IGSF21: variants seen among roughly 807,000 people sequenced by gnomAD.
IGSF21 encodes immunoglobulin superfamily member 21.
IGSF21 carries 28 observed loss-of-function variants against 46.8 expected under a neutral mutation model. The observed-to-expected ratio is 0.60, with a 90% CI of 0.44 to 0.82. The LOEUF is 0.82. Ranked by LOEUF, IGSF21 falls within the 40% of genes least tolerant of loss-of-function variation. The pLI is 0.00. For synonymous variants in IGSF21, 284 were observed against 273.6 expected (o/e 1.04, Z -0.38); for missense variants, 624 against 665.5 (o/e 0.94, Z 0.69).
intron 2 of IGSF21, among the ~76,000 whole-genome samples, chr1:18,282,025 G>T (rs1353630989): frequency 9.9e-5 from 15 of 152,268 alleles, no homozygotes; most frequent in Middle Eastern, 3.4e-3. Flanking sequence ...TTGGGCCTTG[G>T]CTTTGCCTTG....
chr1:18,245,099 T>TA (rs1395400680), intron 2 of IGSF21, among the ~76,000 whole-genome samples: 1 of 152,120 alleles, frequency 6.6e-6, no homozygotes. Flanking sequence ...AGAATGCTTG[T>TA]AAAAAAGGGT....
At chr1:18,373,992 G>A (rs1274963725) in intron 6 of IGSF21, among the ~76,000 whole-genome samples, 1 of 152,134 alleles carries the variant, frequency 6.6e-6, no homozygotes, top group African/African-American at 2.4e-5. Flanking sequence ...TAGAAAGCAG[G>A]GCAGTGAGGA....
intron 2 of IGSF21, among the ~76,000 whole-genome samples, chr1:18,267,384 G>T (rs907150714): frequency 1.3e-5 from 2 of 152,132 alleles, no homozygotes; most frequent in African/African-American, 4.8e-5. Flanking sequence ...ACAGGATGTG[G>T]GGAGCTCATT....
intron 2 of IGSF21, among the ~76,000 whole-genome samples, chr1:18,284,575 G>A (rs2085194375): frequency 6.6e-6 from 1 of 152,218 alleles, no homozygotes; most frequent in African/African-American, 2.4e-5. Context: ...TGGGGTGTGA[G>A]TTTGTTTAAT....
chr1:18,358,627 T>A (rs1256247941), intron 4 of IGSF21, among the ~76,000 whole-genome samples: 1 of 152,238 alleles, frequency 6.6e-6, no homozygotes, highest in Non-Finnish European at 1.5e-5. Context: ...GAGGCTCAAA[T>A]AAGAATGTTA....
intron 3 of IGSF21, among the ~76,000 whole-genome samples, chr1:18,331,815 A>G (rs895164527): frequency 2.6e-5 from 4 of 152,168 alleles, no homozygotes; most frequent in South Asian, 2.1e-4. Context: ...TTCAGGATCT[A>G]TTAGGAGTAG....
At chr1:18,138,593 C>T (rs542071160) in intron 1 of IGSF21, among the ~76,000 whole-genome samples, 25 of 152,218 alleles carry the variant, frequency 1.6e-4, no homozygotes, top group East Asian at 9.7e-4. Flanking sequence ...GTGAGGGAAC[C>T]GCTGACAGGC....
chr1:18,302,306 C>T (rs1260843680), intron 3 of IGSF21, among the ~76,000 whole-genome samples: 1 of 152,150 alleles, frequency 6.6e-6, no homozygotes, highest in African/African-American at 2.4e-5. Context: ...CTGCTGGCTC[C>T]CACCTGTCCA....
At chr1:18,252,910 G>T (rs2084856213) in intron 2 of IGSF21, among the ~76,000 whole-genome samples, 1 of 152,136 alleles carries the variant, frequency 6.6e-6, no homozygotes, top group South Asian at 2.1e-4. Context: ...TGTTATGAGG[G>T]CTACATGAGA....
At chr1:18,314,851 G>A (rs2085524855) in intron 3 of IGSF21, among the ~76,000 whole-genome samples, 1 of 152,176 alleles carries the variant, frequency 6.6e-6, no homozygotes, top group African/African-American at 2.4e-5. Context: ...AGCTGGATGG[G>A]CGGATGACAT....
intron 1 of IGSF21, among the ~76,000 whole-genome samples, chr1:18,200,382 C>A (rs2087059204): frequency 6.6e-6 from 1 of 152,174 alleles, no homozygotes; most frequent in South Asian, 2.1e-4. Context: ...TATTGTTTCA[C>A]ACTTCTGGAG....
At chr1:18,211,775 C>A (rs968507125) in intron 1 of IGSF21, among the ~76,000 whole-genome samples, 3 of 152,160 alleles carry the variant, frequency 2.0e-5, no homozygotes, top group African/African-American at 7.2e-5. Context: ...TCCTTAATAA[C>A]CCATCATCCA....
At chr1:18,142,356 G>T (rs1340327517) in intron 1 of IGSF21, among the ~76,000 whole-genome samples, 1 of 152,200 alleles carries the variant, frequency 6.6e-6, no homozygotes, top group Non-Finnish European at 1.5e-5. Flanking sequence ...GTCCAACCGG[G>T]ATTAGAACTC....
intron 1 of IGSF21, among the ~76,000 whole-genome samples, chr1:18,152,923 T>C (rs12564645): frequency 0.3 from 45,430 of 152,078 alleles, 7,422 homozygotes; most frequent in East Asian, 0.53. Flanking sequence ...TCCAAGGCTA[T>C]CTTATAGGGT....
intron 1 of IGSF21, among the ~76,000 whole-genome samples, chr1:18,195,575 C>T (rs1012649239): frequency 6.7e-6 from 1 of 149,088 alleles, no homozygotes; most frequent in Non-Finnish European, 1.5e-5. Context: ...CTCTGAGCTG[C>T]CCAGCCCTGT....
chr1:18,315,126 G>A (rs1046309096), intron 3 of IGSF21, among the ~76,000 whole-genome samples: 9 of 152,138 alleles, frequency 5.9e-5, no homozygotes, highest in Non-Finnish European at 1.3e-4. Flanking sequence ...GGCGGGGATA[G>A]GAGAGGATCT....
chr1:18,115,874 AAAGAAAGAAAGAAAGAAAGAAAGAAAG>A (rs2086184656), intron 1 of IGSF21: 1 of 120,528 alleles, frequency 8.3e-6, no homozygotes, highest in African/African-American at 3.1e-5. Flanking sequence ...AGAAAGAAAG[AAAGAAAGAAAGAAAGAAAGAAAGAAAG>A]AAGGAGAGGG....
chr1:18,166,625 T>C (rs2124452144), intron 1 of IGSF21, among the ~76,000 whole-genome samples: 1 of 152,316 alleles, frequency 6.6e-6, no homozygotes, highest in East Asian at 1.9e-4. Context: ...ATTTTCTTTA[T>C]GAATAACAGC....
At chr1:18,156,653 G>A (rs1570276448) in intron 1 of IGSF21, among the ~76,000 whole-genome samples, 2 of 152,212 alleles carry the variant, frequency 1.3e-5, no homozygotes, top group South Asian at 4.1e-4. Context: ...TAGCTCAAAT[G>A]TTGAGAAACC....
Sources: allele counts gnomAD v4.1 joint callset (sites outside exome capture counted in the v4.1 genomes callset), GRCh38; gene constraint gnomAD v4.1.1; transcripts MANE v1.5; gene names NCBI Gene and HGNC (gene_info 2026-07-23, HGNC 2026-07-21).